DMD: variants seen among roughly 807,000 people sequenced by gnomAD.
DMD encodes dystrophin.
In DMD, 63 loss-of-function variants were observed where a neutral mutation model predicts 330.1. That is an observed-to-expected ratio of 0.19 (90% confidence interval 0.16 to 0.24). DMD has a LOEUF of 0.24. Ranked by LOEUF, DMD falls within the 10% of genes least tolerant of loss-of-function variation. The pLI is 1.00. For missense variants in DMD, 3,344 were observed against 2,684.1 expected (o/e 1.25, Z -5.43); for synonymous variants, 1,223 against 959.8 (o/e 1.27, Z -5.07).
At chrX:32,363,900 A>G (rs1381687944) in intron 36 of DMD, among the ~76,000 whole-genome samples, 1 of 111,997 alleles carries the variant, frequency 8.9e-6, no homozygotes, top group Non-Finnish European at 1.9e-5. Flanking sequence ...ATTCAACTCT[A>G]CCTATTTAAT....
At chrX:31,223,280 G>T (rs1249907994) in intron 63 of DMD, among the ~76,000 whole-genome samples, 159 bp from the exon 64 acceptor site, 1 of 112,145 alleles carries the variant, frequency 8.9e-6, no homozygotes, top group African/African-American at 3.2e-5. Context: ...TGAAAATTCT[G>T]TTAACGTGGG....
intron 44 of DMD, among the ~76,000 whole-genome samples, chrX:32,123,285 A>T (rs1430679241): frequency 3.2e-5 from 3 of 94,906 alleles, no homozygotes; most frequent in Non-Finnish European, 6.2e-5. Context: ...CTGTCTTGTT[A>T]CAGGATGGAC....
intron 9 of DMD, among the ~76,000 whole-genome samples, chrX:32,653,180 A>G (rs1487781195): frequency 1.8e-5 from 2 of 111,751 alleles, no homozygotes; most frequent in Non-Finnish European, 3.8e-5. Flanking sequence ...CCATTTGTCA[A>G]TTTTGACTCT....
chrX:32,689,514 A>T (rs6631624), intron 9 of DMD, among the ~76,000 whole-genome samples: 16,586 of 111,045 alleles, frequency 0.15, 2,922 homozygotes, highest in African/African-American at 0.5. Context: ...CCAATGCTTC[A>T]CGAACTCTTT....
intron 51 of DMD, among the ~76,000 whole-genome samples, chrX:31,749,150 ATT>A (rs1569339106): frequency 9.1e-6 from 1 of 109,698 alleles, no homozygotes; most frequent in African/African-American, 3.3e-5. Flanking sequence ...TATTATTATT[ATT>A]ATTATTATAC....
At chrX:32,625,397 T>C (rs1177172059) in intron 11 of DMD, among the ~76,000 whole-genome samples, 1 of 111,290 alleles carries the variant, frequency 9.0e-6, no homozygotes, top group East Asian at 2.8e-4. Context: ...TACCTACACA[T>C]AGCTAGCGGC....
chrX:31,873,950 T>G (rs977689136), intron 48 of DMD, among the ~76,000 whole-genome samples: 4 of 111,396 alleles, frequency 3.6e-5, no homozygotes. Context: ...TGAGTGTGTA[T>G]GATATGAGTG....
At chrX:33,305,739 T>C (rs978703383) in intron 1 of DMD, among the ~76,000 whole-genome samples, 3 of 111,297 alleles carry the variant, frequency 2.7e-5, no homozygotes, top group African/African-American at 9.8e-5. Context: ...TTCTATGTTA[T>C]AAAAAACCTT....
At chrX:32,844,294 T>C (rs2080433179) in intron 4 of DMD, among the ~76,000 whole-genome samples, 1 of 108,290 alleles carries the variant, frequency 9.2e-6, no homozygotes, top group Admixed American at 1.0e-4. Context: ...TAATCCCAGC[T>C]ACTCGGGAGG....
At chrX:31,136,056 C>CA (rs1473699146) in intron 76 of DMD, among the ~76,000 whole-genome samples, 6 of 108,598 alleles carry the variant, frequency 5.5e-5, no homozygotes, top group Non-Finnish European at 9.5e-5. Context: ...ACCATTAAGA[C>CA]AAAATCATAT....
intron 50 of DMD, among the ~76,000 whole-genome samples, chrX:31,791,867 C>T (rs1025355044): frequency 1.8e-5 from 2 of 111,786 alleles, no homozygotes; most frequent in African/African-American, 6.5e-5. Context: ...TATTTGCTAT[C>T]TCAATTGTAA....
At chrX:32,650,655 A>T (rs899109397) in intron 9 of DMD, among the ~76,000 whole-genome samples, 2 of 112,205 alleles carry the variant, frequency 1.8e-5, no homozygotes, top group Non-Finnish European at 3.8e-5. Flanking sequence ...TTAATCCATC[A>T]TGCAACACTG....
At chrX:32,548,230 G>A (rs948425435) in intron 16 of DMD, among the ~76,000 whole-genome samples, 2 of 111,208 alleles carry the variant, frequency 1.8e-5, no homozygotes. Flanking sequence ...GGAACCTTAC[G>A]GCAAAATAGG....
At chrX:31,833,273 G>GGAGAGA (rs1248049970) in intron 49 of DMD, among the ~76,000 whole-genome samples, 5 of 49,855 alleles carry the variant, frequency 1.0e-4, no homozygotes, top group Admixed American at 2.4e-4. Flanking sequence ...GGAGGAAGGG[G>GGAGAGA]GAGAGAGAGA....
intron 7 of DMD, among the ~76,000 whole-genome samples, chrX:32,773,294 A>G (rs752554409): frequency 5.4e-5 from 6 of 111,729 alleles, no homozygotes; most frequent in Non-Finnish European, 1.1e-4. Flanking sequence ...ACTACATAAT[A>G]GTTGTACATT....
chrX:32,927,006 G>A (rs1247174809), intron 2 of DMD, among the ~76,000 whole-genome samples: 1 of 111,402 alleles, frequency 9.0e-6, no homozygotes, highest in African/African-American at 3.3e-5. Flanking sequence ...AGAGGTCTTG[G>A]CTTAATGTCT....
chrX:32,621,480 ATCT>A (rs765832979), intron 11 of DMD, among the ~76,000 whole-genome samples: 279 of 101,540 alleles, frequency 2.7e-3, no homozygotes, highest in African/African-American at 0.011. Context: ...TAAGTGTTTT[ATCT>A]TCTTTTTTTT....
At chrX:31,468,291 C>A (rs2067010579) in intron 59 of DMD, among the ~76,000 whole-genome samples, 1 of 112,102 alleles carries the variant, frequency 8.9e-6, no homozygotes, top group South Asian at 3.7e-4. Flanking sequence ...CTGCTTTCTC[C>A]TGTGGGGATT....
chrX:31,312,290 G>A (rs2055583017), intron 62 of DMD, among the ~76,000 whole-genome samples: 1 of 111,875 alleles, frequency 8.9e-6, no homozygotes, highest in Admixed American at 9.4e-5. Context: ...TCAAAAAGTG[G>A]GCAAAGGATA....
Sources: allele counts gnomAD v4.1 joint callset (sites outside exome capture counted in the v4.1 genomes callset), GRCh38; gene constraint gnomAD v4.1.1; transcripts MANE v1.5; gene names NCBI Gene and HGNC (gene_info 2026-07-23, HGNC 2026-07-21).